Variants in ASAP3 observed in about 807,000 individuals in gnomAD.
The protein encoded by ASAP3 is ArfGAP with SH3 domain, ankyrin repeat and PH domain 3.
In ASAP3, 85 loss-of-function variants were observed where a neutral mutation model predicts 118.2. The observed-to-expected ratio is 0.72, with a 90% CI of 0.60 to 0.86. The LOEUF is 0.86. Ranked by LOEUF, ASAP3 falls within the 40% of genes least tolerant of loss-of-function variation. The pLI, the probability that ASAP3 is intolerant of heterozygous loss-of-function variation, is 0.00. For missense variants in ASAP3, 1,026 were observed against 1,175.0 expected (o/e 0.87, Z 1.85); for synonymous variants, 432 against 477.4 (o/e 0.90, Z 1.24).
At position 23,436,717 on chromosome 1, in the gene ASAP3, TG is replaced by T; in HGVS notation, c.1477-64del. The T allele has an allele frequency of 6.2e-7, 1 of 1,600,826 alleles. No homozygotes were observed. The highest frequency in any genetic ancestry group is 8.6e-7 in the Non-Finnish European group (1 of 1,168,910). ...ACCGGGCGGTTAAGCCTGCATAGGGTGGAGCTCCAAGCCCCCAGAGTCCCGC... is the reference window on the plus strand; with the variant it reads ...ACCGGGCGGTTAAGCCTGCATAGGGTGAGCTCCAAGCCCCCAGAGTCCCGC... On this transcript the variant is annotated intron_variant, in intron 15 of 24. Coordinates refer to ENST00000336689, the MANE Select transcript of ASAP3 (RefSeq NM_017707.4). The surrounding 1 kb of genome is among the most constrained non-coding windows in gnomAD (Gnocchi z 4.2).
Position 23,428,836 on chromosome 1 carries a change from G to A in ASAP3, c.*1020C>T, listed in dbSNP as rs1409559943. On this transcript the variant is annotated 3_prime_UTR_variant, in exon 25 of 25. Transcript: ENST00000336689. ...GTTAGTGGTTGATGATGGCTTAGGT[G>A]TATCTGCTTTCTCATTGGGGCTGAG... 6.5e-6 allele frequency: 1 copy of A among 154,802 alleles called. No individual in the cohort carries two copies. Among genetic ancestry groups the A allele is most frequent in the East Asian group, 1.9e-4 (1 of 5,202 alleles). The allele number at this position is 154,802 out of a possible 1,614,324, so 9.6% of individuals were successfully genotyped here. A position where few individuals can be genotyped will look rare whatever the true frequency, so the allele number is the denominator to read the frequency against.
intron 1 of ASAP3, among the ~76,000 whole-genome samples, chr1:23,469,516 A>G (rs1641893953): frequency 6.6e-6 from 1 of 152,148 alleles, no homozygotes; most frequent in African/African-American, 2.4e-5. Flanking sequence ...CAAGCGGGAC[A>G]AAGAGGGTTC....
intron 22 of ASAP3, 148 bp from the exon 23 acceptor site, chr1:23,432,066 G>A (rs2148600276): frequency 1.5e-6 from 1 of 689,238 alleles, no homozygotes; most frequent in Non-Finnish European, 2.3e-6. Flanking sequence ...GAGTGCAGTG[G>A]TGCAATCTCG....
intron 1 of ASAP3, among the ~76,000 whole-genome samples, chr1:23,482,573 A>G (rs1642341214): frequency 6.6e-6 from 1 of 152,074 alleles, no homozygotes; most frequent in Non-Finnish European, 1.5e-5. Context: ...GGTACACATT[A>G]TTACCCCCAT....
At position 23,437,183 on chromosome 1, in the gene ASAP3, G is replaced by T. The variant is rs146159261; in HGVS notation, c.1289C>A (p.Ala430Glu). 1.2e-6 allele frequency: 2 copies of T among 1,607,248 alleles called. No individual in the cohort carries two copies. Among genetic ancestry groups the T allele is most frequent in the African/African-American group, 2.7e-5 (2 of 74,966 alleles). ...EPHDLTKLLI[A>E]EVKSRPGNSQ... ...ATTCCCAGGCCTGCTCTTCACCTCC[G>T]CGATGAGCAGCTTTGTGAGGTCGTG... Residue 430 changes from alanine (A) to glutamate (E), a missense_variant, in exon 14 of 25, where the codon GCG becomes GAG. Transcript: ENST00000336689. The surrounding 1 kb of genome is among the most constrained non-coding windows in gnomAD (Gnocchi z 6.1).
chr1:23,453,931 A>G (rs890698952), intron 3 of ASAP3, among the ~76,000 whole-genome samples: 2 of 152,322 alleles, frequency 1.3e-5, no homozygotes, highest in African/African-American at 2.4e-5. Flanking sequence ...AATGTCCACT[A>G]GACAGCAGAC....
At chr1:23,441,522 G>A in intron 8 of ASAP3, 49 bp from the exon 9 acceptor site, 2 of 1,608,630 alleles carry the variant, frequency 1.2e-6, no homozygotes, top group Non-Finnish European at 1.7e-6. Context: ...AATATGTCAG[G>A]CACAGAGCCC....
intron 5 of ASAP3, among the ~76,000 whole-genome samples, chr1:23,449,741 G>T (rs549173780): frequency 6.6e-6 from 1 of 152,144 alleles, no homozygotes; most frequent in South Asian, 2.1e-4. Context: ...ATAACTCACC[G>T]AATAACCTCA....
rs1428688647 is a variant in ASAP3 at position 23,439,145 on chromosome 1, C to T, written c.1014+16G>A. On this transcript the variant is annotated intron_variant, in intron 11 of 24. Coordinates refer to ENST00000336689, the MANE Select transcript of ASAP3 (RefSeq NM_017707.4). ...GTCCATCGTGCCCTGAGACTCCCACCACCTCTAGGCCTCACCGTGCTGTGT... is the reference window on the plus strand; with the variant it reads ...GTCCATCGTGCCCTGAGACTCCCACTACCTCTAGGCCTCACCGTGCTGTGT... 2 of 1,613,786 alleles carry T rather than the reference C, an allele frequency of 1.2e-6. No individual in the cohort carries two copies. Among genetic ancestry groups the T allele is most frequent in the South Asian group, 2.2e-5 (2 of 91,046 alleles).
chr1:23,447,678 A>C (rs1641092507), intron 5 of ASAP3, among the ~76,000 whole-genome samples: 1 of 152,222 alleles, frequency 6.6e-6, no homozygotes, highest in African/African-American at 2.4e-5. Flanking sequence ...ACAGAGTAGT[A>C]AATACTGGTG....
chr1:23,456,809 G>C (rs1312299577), intron 1 of ASAP3, among the ~76,000 whole-genome samples: 1 of 152,214 alleles, frequency 6.6e-6, no homozygotes, highest in African/African-American at 2.4e-5. Context: ...AGAGGGGTTG[G>C]AGGCATTCAG....
chr1:23,433,723 T>C (rs374283305), intron 19 of ASAP3, 30 bp from the exon 20 acceptor site: 1 of 1,613,764 alleles, frequency 6.2e-7, no homozygotes. Flanking sequence ...GGGTTCATGG[T>C]CATAGTCAAA....
At chr1:23,452,865 A>T in intron 3 of ASAP3, 94 bp from the exon 4 acceptor site, 1 of 1,244,756 alleles carries the variant, frequency 8.0e-7, no homozygotes, top group Non-Finnish European at 1.2e-6. Context: ...TGGCAAAGAG[A>T]GCAGCGGGGA....
At position 23,436,186 on chromosome 1, in the gene ASAP3, A is replaced by G. The variant is rs12401753; in HGVS notation, c.1572-158T>C. ...CCCTCTCCCCAGGCTTTTTTTTTAG[A>G]CAGTCTCACTCTATTGCCCAGGAGG... On this transcript the variant is annotated intron_variant, in intron 16 of 24. Coordinates refer to ENST00000336689, the MANE Select transcript of ASAP3 (RefSeq NM_017707.4). This position sits in a 1 kb window ranked among gnomAD's most constrained non-coding sequence, Gnocchi z 4.2. 0.63 allele frequency among the ~76,000 whole-genome samples: 96,257 copies of G among 151,976 alleles called. 35,698 individuals carry two copies. Among genetic ancestry groups the G allele is most frequent in the Non-Finnish European group, 0.81 (55,307 of 67,972 alleles).
rs761654342 is a variant in ASAP3, at chr1:23,431,775, G to A, written c.2467C>T (p.Arg823Ter). 8.5e-6 allele frequency: 13 copies of A among 1,530,986 alleles called. No individual in the cohort carries two copies. Among genetic ancestry groups the A allele is most frequent in the African/African-American group, 4.2e-5 (3 of 70,608 alleles). The allele number at this position is 1,530,986 out of a possible 1,614,324, so 94.8% of individuals were successfully genotyped here. ...GGTCTGGAGGTGCCTGGGGGCTCTC[G>A]GAGGCCCTCTTCAGAGTTGGGTGGG... ...QAPPNSEEGL[R>*]EPPGTSRPSL... Residue 823 changes from arginine (R) to a stop codon, truncating the protein, a stop_gained, in exon 23 of 25, where the codon CGA becomes TGA. Coordinates refer to ENST00000336689, the MANE Select transcript of ASAP3 (RefSeq NM_017707.4). LOFTEE classifies it high-confidence loss of function.
chr1:23,481,273 C>A lies in ASAP3; in HGVS notation c.129+2732G>T, dbSNP rs55895998. Among the ~76,000 whole-genome samples the A allele has an allele frequency of 6.2e-3, 947 of 152,288 alleles. 9 individuals are homozygous for A. Among genetic ancestry groups the A allele is most frequent in the African/African-American group, 0.02 (844 of 41,554 alleles). On this transcript the variant is annotated intron_variant, in intron 1 of 24. Transcript: ENST00000336689. ...TACAAAAGGGCTGCGAGTCCCAGGA[C>A]AGGGTCCCTAGTTACTCCCAGGAAA...
intron 5 of ASAP3, among the ~76,000 whole-genome samples, chr1:23,446,290 TG>T (rs2148623828): frequency 6.6e-6 from 1 of 152,334 alleles, no homozygotes; most frequent in Admixed American, 6.5e-5. Flanking sequence ...TTTCTGAGCT[TG>T]TTTCCCCATT....
rs375702551 is a variant in ASAP3, at chr1:23,433,175, G to A, written c.2225C>T (p.Ala742Val). The change falls in exon 22 of 25, where the codon GCC becomes GTC. Residue 742 changes from alanine to valine, a missense_variant. Transcript: ENST00000336689. ...TYETVASLGA[A>V]TPQGESEDCP... ...GTCCTCACTCTCGCCCTGAGGGGTG[G>A]CTGCTCCCAGGCTGGCGACAGTCTC... 1.9e-5 allele frequency: 30 copies of A among 1,614,024 alleles called. No homozygotes were observed. Among genetic ancestry groups the A allele is most frequent in the Non-Finnish European group, 2.5e-5 (30 of 1,180,034 alleles).
chr1:23,437,615 G>A lies in ASAP3; in HGVS notation c.1103-143C>T. The A allele has an allele frequency of 9.6e-7, 1 of 1,041,296 alleles. No homozygotes were observed. The highest frequency in any genetic ancestry group is 1.4e-6 in the Non-Finnish European group (1 of 720,418). The allele number at this position is 1,041,296 out of a possible 1,614,324, so 64.5% of individuals were successfully genotyped here. On this transcript the variant is annotated intron_variant, in intron 12 of 24. Coordinates refer to ENST00000336689, the MANE Select transcript of ASAP3 (RefSeq NM_017707.4). This position sits in a 1 kb window ranked among gnomAD's most constrained non-coding sequence, Gnocchi z 6.1. ...CTCTCAAGCTAGGAGTGGGAAGGGA[G>A]TGGAATGACAGTGGCCAGCACCAGG...
Sources: allele counts gnomAD v4.1 joint callset (sites outside exome capture counted in the v4.1 genomes callset), GRCh38; gene constraint gnomAD v4.1.1; non-coding constraint Gnocchi (gnomAD v3.1); transcripts MANE v1.5; gene names NCBI Gene and HGNC (gene_info 2026-07-23, HGNC 2026-07-21).